Variants in WDFY3 observed in about 807,000 individuals in gnomAD.
WDFY3 encodes the protein WD repeat and FYVE domain containing 3, also known as WD repeat and FYVE domain-containing protein 3.
A neutral mutation model predicts 409.6 loss-of-function variants in WDFY3; 66 were observed. The observed-to-expected ratio is 0.16, with a 90% CI of 0.13 to 0.20. The LOEUF is 0.20. WDFY3 is among the 10% of genes least tolerant of loss of function. WDFY3 has a pLI of 1.00. For synonymous variants in WDFY3, 1,521 were observed against 1,537.1 expected, an observed-to-expected ratio of 0.99 and a Z score of 0.25; for missense variants, 3,031 against 4,298.1, an observed-to-expected ratio of 0.71 and a Z score of 8.24.
intron 5 of WDFY3, among the ~76,000 whole-genome samples, chr4:84,843,870 A>T (rs919206878): frequency 1.3e-5 from 2 of 152,238 alleles, no homozygotes; most frequent in Non-Finnish European, 2.9e-5. Flanking sequence ...ACTAGTCAGA[A>T]ACATACTGGG....
intron 1 of WDFY3, among the ~76,000 whole-genome samples, chr4:84,948,378 C>A (rs1229954707): frequency 2.0e-5 from 3 of 151,888 alleles, no homozygotes; most frequent in Non-Finnish European, 4.4e-5. Flanking sequence ...CATACCAATG[C>A]CAATAAAGCA....
In WDFY3 at chr4:84,876,713, G is replaced by A. The variant is rs1428407147; in HGVS notation, c.-31-16091C>T. On this transcript the variant is annotated intron_variant, in intron 3 of 67. Transcript: ENST00000295888. ...AAAAAAAAAACTTACATAGAGTTAT[G>A]TAACTGGTAAGTGACAGCACTAGAT... Among the ~76,000 whole-genome samples, 7 of 151,834 alleles carry A rather than the reference G, an allele frequency of 4.6e-5. No individual in the cohort carries two copies. In the East Asian group the frequency reaches 1.4e-3, roughly 29 times the overall value.
intron 1 of WDFY3, among the ~76,000 whole-genome samples, chr4:84,964,677 T>G (rs1220048769): frequency 6.6e-6 from 1 of 152,134 alleles, no homozygotes; most frequent in Non-Finnish European, 1.5e-5. Context: ...GTGATACAAA[T>G]TTTTTGAAAC....
At chr4:84,714,516 T>G (rs1733507044) in intron 50 of WDFY3, among the ~76,000 whole-genome samples, 1 of 152,230 alleles carries the variant, frequency 6.6e-6, no homozygotes. Context: ...TTTTCAAGGA[T>G]GAAGGTATCC....
chr4:84,817,454 G>C lies in WDFY3; in HGVS notation c.1825C>G (p.Leu609Val). The C allele has an allele frequency of 6.2e-7, 1 of 1,613,814 alleles. No individual in the cohort carries two copies. The highest frequency in any genetic ancestry group is 8.5e-7 in the Non-Finnish European group (1 of 1,179,802). Residue 609 changes from leucine (L) to valine (V), a missense_variant, in exon 13 of 68, where the codon CTC becomes GTC. This residue lies in a region of WDFY3 where 1,322 missense variants were observed against 1,697.9 expected (regional missense o/e 0.78). Coordinates refer to ENST00000295888, the MANE Select transcript of WDFY3 (RefSeq NM_014991.6). The part of the protein sequence containing the change: ...SPNGDDDMGT[L>V]LGLMHSAPPT... ...GGGGCTGAATGCATTAGCCCCAGGA[G>C]AGTGCCCATGTCATCGTCCCCATTT...
chr4:84,701,645 T>G (rs1401827564), intron 56 of WDFY3, among the ~76,000 whole-genome samples: 2 of 152,212 alleles, frequency 1.3e-5, no homozygotes, highest in Admixed American at 1.3e-4. Flanking sequence ...CAAACTGTGT[T>G]CCAAGAAACT....
rs544562992 is a variant in WDFY3, at chr4:84,889,296, G to C, written c.-32+7615C>G. Among the ~76,000 whole-genome samples, 215 of 152,210 alleles carry C rather than the reference G, an allele frequency of 1.4e-3. 2 individuals carry two copies. Among genetic ancestry groups the C allele is most frequent in the Non-Finnish European group, 2.2e-3 (149 of 68,022 alleles). On this transcript the variant is annotated intron_variant, in intron 3 of 67. Transcript: ENST00000295888. ...TATTATCCATACTAAAATGTGTGCA[G>C]TCTTTTGTCTGAGCAATATATTTTG...
At chr4:84,845,190 G>T (rs1356702727) in intron 5 of WDFY3, among the ~76,000 whole-genome samples, 1 of 152,126 alleles carries the variant, frequency 6.6e-6, no homozygotes, top group African/African-American at 2.4e-5. Flanking sequence ...ATTCAGAGGG[G>T]TACTGGAAGA....
At chr4:84,759,570 T>C (rs1360152563) in intron 32 of WDFY3, among the ~76,000 whole-genome samples, 1 of 150,504 alleles carries the variant, frequency 6.6e-6, no homozygotes, top group Admixed American at 6.7e-5. Context: ...GAAGCAATTG[T>C]GAATGGGAGT....
rs747303109 is a variant in WDFY3 at position 84,679,060 on chromosome 4, C to T, written c.10006G>A (p.Asp3336Asn). The T allele has an allele frequency of 5.0e-6, 8 of 1,614,150 alleles. No homozygotes were observed. Among genetic ancestry groups the T allele is most frequent in the Non-Finnish European group, 5.9e-6 (7 of 1,180,020 alleles). The change falls in exon 65 of 68, where the codon GAC becomes AAC. Residue 3336 changes from aspartate to asparagine, a missense_variant. Transcript: ENST00000295888. ...TCTTTCTCATCTAGACTGAGCTGGT[C>T]GGACCAGCGTCTGGAGTCGTCAGAG... ...SGSDDSRRWS[D>N]QLSLDEKDGF... is the part of the protein sequence containing the mutation.
intron 4 of WDFY3, among the ~76,000 whole-genome samples, chr4:84,858,147 A>C (rs1760031544): frequency 1.3e-5 from 2 of 152,238 alleles, no homozygotes; most frequent in African/African-American, 4.8e-5. Flanking sequence ...AATAATAACA[A>C]TAATAGGTAC....
intron 24 of WDFY3, among the ~76,000 whole-genome samples, chr4:84,784,881 TATATATATATACACACAC>T (rs1211308796): frequency 1.1e-4 from 10 of 87,322 alleles, no homozygotes; most frequent in African/African-American, 3.9e-4. Flanking sequence ...TATATATATA[TATATATATATACACACAC>T]ACACACACAC....
At chr4:84,765,073 A>G (rs990881033) in intron 32 of WDFY3, among the ~76,000 whole-genome samples, 5 of 152,218 alleles carry the variant, frequency 3.3e-5, no homozygotes, top group Non-Finnish European at 7.3e-5. Flanking sequence ...ACAATTAGAT[A>G]TGATTTACAA....
At chr4:84,738,576 T>C (rs1737859576) in intron 40 of WDFY3, among the ~76,000 whole-genome samples, 1 of 147,470 alleles carries the variant, frequency 6.8e-6, no homozygotes, top group Non-Finnish European at 1.5e-5. Context: ...CACTCCACTG[T>C]GGGCAACTGA....
chr4:84,948,740 A>G (rs1156447310), intron 1 of WDFY3, among the ~76,000 whole-genome samples: 1 of 152,144 alleles, frequency 6.6e-6, no homozygotes, highest in Non-Finnish European at 1.5e-5. Context: ...GCTTCTGCTT[A>G]GACACTTTTG....
intron 9 of WDFY3, among the ~76,000 whole-genome samples, chr4:84,827,511 G>A (rs1755028467): frequency 6.6e-6 from 1 of 152,058 alleles, no homozygotes; most frequent in African/African-American, 2.4e-5. Flanking sequence ...TGGGGAGTGA[G>A]AGTTCCAACA....
intron 3 of WDFY3, among the ~76,000 whole-genome samples, chr4:84,878,153 C>A (rs894036228): frequency 6.6e-6 from 1 of 151,924 alleles, no homozygotes; most frequent in Admixed American, 6.6e-5. Flanking sequence ...AAGGCAGGGG[C>A]AGAAGGAAAA....
rs1285152490 is a variant in WDFY3, at chr4:84,801,997, G to C, written c.2608-133C>G. On this transcript the variant is annotated intron_variant, in intron 16 of 67. Coordinates refer to ENST00000295888, the MANE Select transcript of WDFY3 (RefSeq NM_014991.6). ...AGTTTCGCTCTTGTTGTCCAGGCTG[G>C]AGTGCAATGGTGTGATCTCGCCTCA... The C allele has an allele frequency of 3.6e-6, 3 of 831,576 alleles. No homozygotes were observed. In the Admixed American group the frequency reaches 7.9e-5, roughly 22 times the overall value. 51.5% of individuals were successfully genotyped at this position (831,576 alleles called of 1,614,324 possible). A position where few individuals can be genotyped will look rare whatever the true frequency, so the allele number is the denominator to read the frequency against.
chr4:84,738,873 CTCTT>C (rs1737923925), intron 40 of WDFY3, 133 bp downstream of exon 40: 1 of 705,080 alleles, frequency 1.4e-6, no homozygotes, highest in African/African-American at 1.8e-5. Flanking sequence ...CATGAGGAGA[CTCTT>C]TATGTATAGG....
Sources: allele counts gnomAD v4.1 joint callset (sites outside exome capture counted in the v4.1 genomes callset), GRCh38; gene constraint gnomAD v4.1.1; regional missense constraint gnomAD v4.1.1; transcripts MANE v1.5; gene names NCBI Gene and HGNC (gene_info 2026-07-23, HGNC 2026-07-21).